NLGN1: variants seen among roughly 807,000 people sequenced by gnomAD.
NLGN1 encodes neuroligin 1, also known as neuroligin-1.
In NLGN1, 12 loss-of-function variants were observed where a neutral mutation model predicts 65.5. The observed-to-expected ratio is 0.18, with a 90% confidence interval of 0.12 to 0.30. The LOEUF (loss-of-function observed/expected upper bound fraction) is 0.30, where lower values mean the gene tolerates loss of function less well. NLGN1 is among the 10% of genes least tolerant of loss of function. The pLI is 1.00. For synonymous variants in NLGN1, 350 were observed against 359.5 expected (o/e 0.97, Z 0.30); for missense variants, 750 against 1,007.1 (o/e 0.74, Z 3.46).
chr3:173,918,660 A>ATGTGTGTG (rs71162369), intron 4 of NLGN1, among the ~76,000 whole-genome samples: 4 of 111,808 alleles, frequency 3.6e-5, no homozygotes, highest in African/African-American at 6.9e-5. Flanking sequence ...AGAAATACAT[A>ATGTGTGTG]TGTGTGTGTG....
chr3:174,086,992 C>A (rs1369701572), intron 4 of NLGN1, among the ~76,000 whole-genome samples: 1 of 152,092 alleles, frequency 6.6e-6, no homozygotes, highest in Non-Finnish European at 1.5e-5. Context: ...GAGCTGGAGG[C>A]CATTATCCTT....
intron 4 of NLGN1, among the ~76,000 whole-genome samples, chr3:174,053,104 G>C (rs144901048): frequency 1.5e-3 from 230 of 152,010 alleles, no homozygotes; most frequent in African/African-American, 5.3e-3. Flanking sequence ...TATCATTTTA[G>C]GGGGATAGTG....
intron 4 of NLGN1, among the ~76,000 whole-genome samples, chr3:174,233,391 C>G (rs922010626): frequency 6.6e-6 from 1 of 151,832 alleles, no homozygotes; most frequent in East Asian, 1.9e-4. Context: ...GAGGCTGAGG[C>G]GGGAGAATCG....
chr3:173,768,090 G>T (rs1258568900), intron 3 of NLGN1, among the ~76,000 whole-genome samples: 2 of 151,862 alleles, frequency 1.3e-5, no homozygotes, highest in Non-Finnish European at 1.5e-5. Context: ...AAATATGTAT[G>T]TGTTCATGAA....
At chr3:174,249,217 A>T (rs1744338485) in intron 4 of NLGN1, among the ~76,000 whole-genome samples, 1 of 152,198 alleles carries the variant, frequency 6.6e-6, no homozygotes, top group African/African-American at 2.4e-5. Flanking sequence ...ATGTATAGCC[A>T]TAAGCTGAGA....
chr3:173,463,612 C>T (rs1723774714), intron 2 of NLGN1, among the ~76,000 whole-genome samples: 1 of 152,134 alleles, frequency 6.6e-6, no homozygotes, highest in Non-Finnish European at 1.5e-5. Context: ...TCTTGGCTAA[C>T]TTCTTAAGGC....
At chr3:173,996,601 C>A (rs936901493) in intron 4 of NLGN1, among the ~76,000 whole-genome samples, 40 of 152,096 alleles carry the variant, frequency 2.6e-4, no homozygotes, top group Admixed American at 6.6e-5. Context: ...GTTGATCTTC[C>A]CTGAAGAGAC....
intron 2 of NLGN1, among the ~76,000 whole-genome samples, chr3:173,599,349 A>C (rs887182931): frequency 6.6e-6 from 1 of 152,154 alleles, no homozygotes; most frequent in Non-Finnish European, 1.5e-5. Context: ...ACTGAATTTA[A>C]AAATCTCAGA....
At chr3:173,857,698 G>T (rs1441198820) in intron 4 of NLGN1, among the ~76,000 whole-genome samples, 1 of 151,630 alleles carries the variant, frequency 6.6e-6, no homozygotes, top group African/African-American at 2.4e-5. Flanking sequence ...CATCTTCAGG[G>T]TGTTACTCTT....
intron 4 of NLGN1, among the ~76,000 whole-genome samples, chr3:174,047,889 A>G (rs1162724352): frequency 6.6e-6 from 1 of 152,092 alleles, no homozygotes; most frequent in Non-Finnish European, 1.5e-5. Flanking sequence ...TTTGCTAGGA[A>G]AAAGTAATTT....
At chr3:173,797,699 C>CAA (rs758416340) in intron 3 of NLGN1, among the ~76,000 whole-genome samples, 1,494 of 147,274 alleles carry the variant, frequency 0.01, 32 homozygotes, top group African/African-American at 0.035. Context: ...ACAACAACAA[C>CAA]AAAAAAAAAC....
chr3:173,571,209 T>A (rs578049422), intron 2 of NLGN1, among the ~76,000 whole-genome samples: 18 of 152,360 alleles, frequency 1.2e-4, no homozygotes, highest in Admixed American at 3.3e-4. Flanking sequence ...CCAATTTTTC[T>A]TAGCTGATTG....
chr3:174,227,295 G>A (rs1021944228), intron 4 of NLGN1, among the ~76,000 whole-genome samples: 2 of 152,002 alleles, frequency 1.3e-5, no homozygotes, highest in African/African-American at 2.4e-5. Context: ...AAAAACAAAA[G>A]CAATCCAAGG....
the NLGN1 span, among the ~76,000 whole-genome samples, chr3:174,293,818 G>GA: frequency 8.6e-5 from 13 of 151,422 alleles, no homozygotes; most frequent in African/African-American, 3.1e-4. Flanking sequence ...TCATCATGTG[G>GA]AAAAAAGTGT....
At chr3:173,970,542 TA>T (rs58186465) in intron 4 of NLGN1, among the ~76,000 whole-genome samples, 15 of 146,910 alleles carry the variant, frequency 1.0e-4, no homozygotes, top group East Asian at 4.0e-4. Context: ...TTGCTTACAA[TA>T]AAAAAAAAAG....
At chr3:173,849,883 A>T (rs1370883999) in intron 4 of NLGN1, among the ~76,000 whole-genome samples, 2 of 152,192 alleles carry the variant, frequency 1.3e-5, no homozygotes, top group Non-Finnish European at 2.9e-5. Context: ...TGTGATTCAT[A>T]GTTCATTGAT....
Position 173,489,664 on chromosome 3 carries a change from A to T in NLGN1, c.-321+54586A>T, listed in dbSNP as rs541414965. ...AGATCCCTGAGGAATCGCCACACTG[A>T]CTTCCACAATGCTTGAACCAGTTTA... On this transcript the variant is annotated intron_variant, in intron 2 of 6. Transcript: ENST00000457714. Among the ~76,000 whole-genome samples, 618 of 150,520 alleles carry T rather than the reference A, an allele frequency of 4.1e-3. 2 individuals carry two copies. Among genetic ancestry groups the T allele is most frequent in the African/African-American group, 0.015 (592 of 39,838 alleles).
At chr3:173,538,483 GT>G (rs1737833837) in intron 2 of NLGN1, among the ~76,000 whole-genome samples, 1 of 152,156 alleles carries the variant, frequency 6.6e-6, no homozygotes, top group Non-Finnish European at 1.5e-5. Context: ...TGGTAGAAAC[GT>G]TATGCGCAGA....
At chr3:173,579,954 G>T (rs1437780609) in intron 2 of NLGN1, among the ~76,000 whole-genome samples, 1 of 151,876 alleles carries the variant, frequency 6.6e-6, no homozygotes, top group African/African-American at 2.4e-5. Flanking sequence ...AAAAATTGTT[G>T]TGGGTATATA....
Sources: allele counts gnomAD v4.1 joint callset (sites outside exome capture counted in the v4.1 genomes callset), GRCh38; gene constraint gnomAD v4.1.1; transcripts MANE v1.5; gene names NCBI Gene and HGNC (gene_info 2026-07-23, HGNC 2026-07-21).